The following TCIRG1 variants were observed in gnomAD, a reference collection of about 807,000 sequenced individuals.
The protein encoded by TCIRG1 is T cell immune regulator 1, ATPase H+ transporting V0 subunit a3, also known as V-type proton ATPase 116 kDa subunit a 3.
A neutral mutation model predicts 95.5 loss-of-function variants in TCIRG1; 86 were observed. The observed-to-expected ratio is 0.90, with a 90% CI of 0.76 to 1.08. The LOEUF (loss-of-function observed/expected upper bound fraction) is 1.08. Among genes scored for constraint, TCIRG1 ranks in the 50% least tolerant of loss-of-function variants. TCIRG1 has a pLI of 0.00. For synonymous variants in TCIRG1, 499 were observed against 501.3 expected, an observed-to-expected ratio of 1.00 and a Z score of 0.06; for missense variants, 1,069 against 1,140.2, an observed-to-expected ratio of 0.94 and a Z score of 0.90.
In TCIRG1 at chr11:68,050,308, G is replaced by A. The variant is rs546605403; in HGVS notation, c.2236+54G>A. ...CCCAGCTCCTGGCTTCTCACATACC[G>A]CTGCTGGCTGGGCGGGTTGCTTCTC... On this transcript the variant is annotated intron_variant, in intron 18 of 19. Transcript: ENST00000265686. 1.2e-4 allele frequency: 188 copies of A among 1,598,552 alleles called. 1 individual carries two copies. In the South Asian group the frequency reaches 1.9e-3, roughly 16 times the overall value.
In TCIRG1 at chr11:68,043,465, G is replaced by A. The variant is rs1262519957; in HGVS notation, c.598G>A (p.Glu200Lys). 2 of 1,555,660 alleles carry A rather than the reference G, an allele frequency of 1.3e-6. No individual in the cohort carries two copies. Among genetic ancestry groups the A allele is most frequent in the Non-Finnish European group, 1.7e-6 (2 of 1,150,326 alleles). The part of the protein sequence containing the change: ...CRGFLIASFR[E>K]LEQPLEHPVT... ...CGGCTTCCTCATTGCCAGCTTCAGG[G>A]AGCTGGAGCAGCCGCTGGAGCACCC... The change falls in exon 6 of 20, where the codon GAG becomes AAG. Residue 200 changes from glutamate to lysine, a missense_variant. By Grantham distance (56) the Glu-to-Lys change is moderately conservative. Coordinates refer to ENST00000265686, the MANE Select transcript of TCIRG1 (RefSeq NM_006019.4).
Position 68,048,992 on chromosome 11 carries a change from C to T in TCIRG1, c.1668C>T (p.Asn556=), listed in dbSNP as rs2134459778. The T allele has an allele frequency of 6.2e-7, 1 of 1,613,620 alleles. No homozygotes were observed. Among genetic ancestry groups the T allele is most frequent in the Non-Finnish European group, 8.5e-7 (1 of 1,179,932 alleles). ...TTGGGGTGGTCCTCGGAGTCTTCAACCACGTGTGAGGGCCAAGGCTGCCCG... is the reference window on the plus strand; with the variant it reads ...TTGGGGTGGTCCTCGGAGTCTTCAATCACGTGTGAGGGCCAAGGCTGCCCG... ...MAFGVVLGVF[N]HVHFGQRHRL... is the part of the protein sequence containing the mutation. The change falls in exon 14 of 20, where the codon AAC becomes AAT. Residue 556 remains asparagine, a synonymous_variant. Coordinates refer to ENST00000265686, the MANE Select transcript of TCIRG1 (RefSeq NM_006019.4).
Position 68,044,115 on chromosome 11 carries a change from T to A in TCIRG1, c.808-17T>A. ...ACCTGCCTGCCCAGCCCCCGCTGACTGCCCACTCTGGCGCAGGTCCTCGGG... is the reference window on the plus strand; with the variant it reads ...ACCTGCCTGCCCAGCCCCCGCTGACAGCCCACTCTGGCGCAGGTCCTCGGG... On this transcript the variant is annotated splice_polypyrimidine_tract_variant and intron_variant, in intron 8 of 19. Coordinates refer to ENST00000265686, the MANE Select transcript of TCIRG1 (RefSeq NM_006019.4). 6.5e-7 allele frequency: 1 copy of A among 1,545,060 alleles called. No homozygotes were observed. Among genetic ancestry groups the A allele is most frequent in the Non-Finnish European group, 8.7e-7 (1 of 1,145,718 alleles).
rs374966103 is a variant in TCIRG1, at chr11:68,049,249, C to G, written c.1842C>G (p.Phe614Leu). ...TCCTCATCCACTTCATCAACATGTT[C>G]CTCTTCTCCCACAGCCCCAGCAACA... ...PSILIHFINM[F>L]LFSHSPSNRL... The change falls in exon 15 of 20, where the codon TTC (phenylalanine) becomes TTG (leucine). Residue 614 changes from phenylalanine (F) to leucine (L), a missense_variant. Physicochemically the swap from Phe to Leu is conservative, Grantham distance 22. Coordinates refer to ENST00000265686, the MANE Select transcript of TCIRG1 (RefSeq NM_006019.4). 1 of 1,613,520 alleles carries G rather than the reference C, an allele frequency of 6.2e-7. No individual in the cohort carries two copies. The highest frequency in any genetic ancestry group is 2.2e-5 in the East Asian group (1 of 44,888).
At position 68,050,018 on chromosome 11, in the gene TCIRG1, C is replaced by G. The variant is rs748310767; in HGVS notation, c.2070C>G (p.Ser690Arg). ...CTGACGCATCTGTGAATGGCTGGAG[C>G]TCCGATGAGGAAAAGGCAGGGGGCC... The part of the protein sequence containing the change: ...DLPDASVNGW[S>R]SDEEKAGGLD... The change falls in exon 17 of 20, where the codon AGC becomes AGG. Residue 690 changes from serine (S) to arginine (R), a missense_variant. Transcript: ENST00000265686. 1 of 1,613,320 alleles carries G rather than the reference C, an allele frequency of 6.2e-7. No individual in the cohort carries two copies. The highest frequency in any genetic ancestry group is 1.1e-5 in the South Asian group (1 of 91,070).
intron 16 of TCIRG1, 62 bp from the exon 17 acceptor site, chr11:68,049,900 G>T: frequency 6.4e-7 from 1 of 1,563,496 alleles, no homozygotes. Context: ...GAGCAGGCCT[G>T]GCGGGTGGTG....
intron 10 of TCIRG1, 141 bp from the exon 11 acceptor site, chr11:68,047,291 GA>G: frequency 2.1e-6 from 1 of 467,802 alleles, no homozygotes; most frequent in Non-Finnish European, 3.8e-6. Flanking sequence ...AGAGTGCTGG[GA>G]TTACAGGCAT....
At chr11:68,043,137 A>G (rs1855262046) in intron 5 of TCIRG1, 106 bp downstream of exon 5, 1 of 1,536,666 alleles carries the variant, frequency 6.5e-7, no homozygotes, top group East Asian at 2.5e-5. Flanking sequence ...TGCTCTCCCC[A>G]GGCTGGCCCC....
chr11:68,044,461 C>T (rs1024511808), intron 9 of TCIRG1, 117 bp downstream of exon 9: 1 of 835,732 alleles, frequency 1.2e-6, no homozygotes, highest in Admixed American at 2.1e-5. Context: ...GGGGCTCCTT[C>T]TCCTCCCAGC....
At chr11:68,051,114 G>A (rs1855782803), downstream of TCIRG1, among the ~76,000 whole-genome samples, 1 of 152,232 alleles carries the variant, frequency 6.6e-6, no homozygotes, top group African/African-American at 2.4e-5. Context: ...GGCCGGGTCA[G>A]GGGAGTGAGC....
rs2134436861 is a variant in TCIRG1, at chr11:68,043,092, G to A, written c.503+61G>A. On this transcript the variant is annotated intron_variant, in intron 5 of 19. Coordinates refer to ENST00000265686, the MANE Select transcript of TCIRG1 (RefSeq NM_006019.4). Reference sequence around the variant, plus strand: ...GCCCAGAACCCCTGGCCAGTCGCTGGGCTGGGCCAGGCTGAGCTCCGACTC... The same window carrying A: ...GCCCAGAACCCCTGGCCAGTCGCTGAGCTGGGCCAGGCTGAGCTCCGACTC... 2.6e-6 allele frequency: 4 copies of A among 1,547,770 alleles called. No individual in the cohort carries two copies. In the East Asian group the frequency reaches 9.8e-5, roughly 38 times the overall value.
intron 10 of TCIRG1, among the ~76,000 whole-genome samples, chr11:68,046,635 T>C (rs1037069346): frequency 4.3e-5 from 6 of 138,574 alleles, no homozygotes; most frequent in Admixed American, 4.1e-4. Flanking sequence ...GTGTATCTTT[T>C]TTGGGGTCAC....
intron 9 of TCIRG1, 107 bp from the exon 10 acceptor site, chr11:68,044,851 A>G (rs558507378): frequency 2.1e-6 from 3 of 1,399,134 alleles, no homozygotes; most frequent in Non-Finnish European, 3.0e-6. Context: ...GGGGCTGCCC[A>G]GTGAGCCCCC....
chr11:68,048,938 C>T lies in TCIRG1; in HGVS notation c.1614C>T (p.Ser538=), dbSNP rs373811858. The T allele has an allele frequency of 6.8e-6, 11 of 1,613,670 alleles. No individual in the cohort carries two copies. The African/African-American group carries it at 8.0e-5, about 12-fold the overall frequency. The part of the protein sequence containing the change: ...SFLNSFKMKM[S]VILGVVHMAF... ...TCAACTCCTTCAAGATGAAGATGTC[C>T]GTCATCCTGGGCGTCGTGCACATGG... Residue 538 remains serine, a synonymous_variant, in exon 14 of 20, where the codon TCC becomes TCT. Transcript: ENST00000265686.
At position 68,044,306 on chromosome 11, in the gene TCIRG1, G is replaced by A. The variant is rs748316729; in HGVS notation, c.982G>A (p.Asp328Asn). ...LIAEAWCSVR[D>N]LPALQEALRD... ...TGCCGAGGCCTGGTGCTCTGTGCGA[G>A]ACCTGCCCGCCCTGCAGGAGGCCCT... The change falls in exon 9 of 20, where the codon GAC becomes AAC. Residue 328 changes from aspartate (D) to asparagine (N), a missense_variant. Coordinates refer to ENST00000265686, the MANE Select transcript of TCIRG1 (RefSeq NM_006019.4). 6.9e-6 allele frequency: 11 copies of A among 1,602,024 alleles called. No homozygotes were observed. Among genetic ancestry groups the A allele is most frequent in the South Asian group, 6.7e-5 (6 of 88,988 alleles).
At chr11:68,048,248 T>C (rs1025015791) in intron 13 of TCIRG1, 2 of 568,864 alleles carry the variant, frequency 3.5e-6, no homozygotes, top group African/African-American at 3.8e-5. Flanking sequence ...CAGCTTGCAC[T>C]GTGCCAAGCA....
rs1254116216 is a variant in TCIRG1 at position 68,045,041 on chromosome 11, G to A, written c.1104G>A (p.Thr368=). 5 of 1,606,820 alleles carry A rather than the reference G, an allele frequency of 3.1e-6. No individual in the cohort carries two copies. Among genetic ancestry groups the A allele is most frequent in the East Asian group, 2.2e-5 (1 of 44,884 alleles). ...CACTCATCCGCACCAACCGCTTCACGGCCAGCTTCCAGGGCATCGTGGATG... is the reference window on the plus strand; with the variant it reads ...CACTCATCCGCACCAACCGCTTCACAGCCAGCTTCCAGGGCATCGTGGATG... ...PPTLIRTNRF[T]ASFQGIVDAY... is the part of the protein sequence containing the mutation. The change falls in exon 10 of 20, where the codon ACG becomes ACA. Residue 368 remains threonine, a synonymous_variant. Coordinates refer to ENST00000265686, the MANE Select transcript of TCIRG1 (RefSeq NM_006019.4).
Position 68,041,770 on chromosome 11 carries a change from C to T in TCIRG1, c.135C>T (p.Ser45=), listed in dbSNP as rs1405550906. 6 of 1,609,140 alleles carry T rather than the reference C, an allele frequency of 3.7e-6. No homozygotes were observed. Among genetic ancestry groups the T allele is most frequent in the African/African-American group, 2.7e-5 (2 of 74,826 alleles). ...VEFRDLNASV[S]AFQRRFVVDV... ...ACCCACAGCTCAACGCCTCGGTGAG[C>T]GCCTTCCAGAGACGCTTTGTGGTTG... is the stretch of plus-strand genomic sequence containing the variant. The change falls in exon 3 of 20, where the codon AGC becomes AGT. Residue 45 remains serine, a synonymous_variant. Transcript: ENST00000265686.
At chr11:68,043,167 G>T (rs1855263511) in intron 5 of TCIRG1, 136 bp downstream of exon 5, 3 of 1,520,326 alleles carry the variant, frequency 2.0e-6, no homozygotes, top group Non-Finnish European at 8.8e-7. Context: ...TTCAGGCCCG[G>T]AACTTCCCAC....
Sources: gnomAD v4.1 joint callset for allele counts (sites outside exome capture counted in the v4.1 genomes callset) on GRCh38, gnomAD v4.1.1 for gene constraint, MANE v1.5 for transcripts, NCBI Gene and HGNC (gene_info 2026-07-23, HGNC 2026-07-21) for gene names.